Variants in RIPOR2 observed in about 807,000 individuals in gnomAD.
RIPOR2 encodes RHO family interacting cell polarization regulator 2.
RIPOR2 carries 39 observed loss-of-function variants against 114.5 expected under a neutral mutation model. The ratio of observed to expected loss-of-function variants is 0.34; its 90% CI spans 0.26 to 0.44. The LOEUF (loss-of-function observed/expected upper bound fraction) is 0.44, where lower values mean the gene tolerates loss of function less well. RIPOR2 is among the 20% of genes least tolerant of loss of function. The pLI, the probability that RIPOR2 is intolerant of heterozygous loss-of-function variation, is 1.00. For missense variants in RIPOR2, 1,007 were observed against 1,255.1 expected, an observed-to-expected ratio of 0.80 and a Z score of 2.99; for synonymous variants, 445 against 484.4, an observed-to-expected ratio of 0.92 and a Z score of 1.07.
intron 19 of RIPOR2, among the ~76,000 whole-genome samples, chr6:24,819,237 C>T (rs1411083092): frequency 6.6e-6 from 1 of 151,902 alleles, no homozygotes; most frequent in African/African-American, 2.4e-5. Flanking sequence ...TGTATTAGGT[C>T]CCATAAGAAA....
intron 7 of RIPOR2, among the ~76,000 whole-genome samples, chr6:24,862,805 C>A (rs900346160): frequency 7.0e-6 from 1 of 143,286 alleles, no homozygotes; most frequent in Admixed American, 6.9e-5. Context: ...ACCACTGGCA[C>A]CCCCCCACCA....
chr6:24,875,742 A>C lies in RIPOR2; in HGVS notation c.137T>G (p.Ile46Ser). 1 of 1,613,736 alleles carries C rather than the reference A, an allele frequency of 6.2e-7. No individual in the cohort carries two copies. Among genetic ancestry groups the C allele is most frequent in the African/African-American group, 1.3e-5 (1 of 75,018 alleles). Residue 46 changes from isoleucine to serine, a missense_variant, in exon 2 of 22, where the codon ATT becomes AGT. Ile to Ser is a moderately radical substitution (Grantham distance 142, BLOSUM62 -2). Transcript: ENST00000643898. ...GAAACCCGCAAAGGACTGGCTTCTA[A>C]TGATCCCATTGGGCCCTCCAGGCGA... The part of the protein sequence containing the change: ...SFSPGGPNGI[I>S]RSQSFAGFSG...
intron 3 of RIPOR2, 120 bp downstream of exon 3, chr6:24,873,523 TG>T: frequency 1.2e-6 from 1 of 851,360 alleles, no homozygotes; most frequent in Non-Finnish European, 1.9e-6. Flanking sequence ...TCCCTAATTG[TG>T]GTACAAGAAT....
intron 1 of RIPOR2, chr6:24,877,263 A>C (rs750102283): frequency 1.0e-6 from 1 of 985,384 alleles, no homozygotes; most frequent in Non-Finnish European, 1.2e-6. Flanking sequence ...GAGAAGGACA[A>C]ACAGCCTCCT....
At chr6:24,874,252 G>C (rs12111413) in intron 2 of RIPOR2, among the ~76,000 whole-genome samples, 12,759 of 152,052 alleles carry the variant, frequency 0.084, 600 homozygotes, top group African/African-American at 0.14. Context: ...TCCTGCTGTG[G>C]CCTCTCAAAG....
chr6:25,020,400 C>G (rs1776261433), intron 1 of RIPOR2, among the ~76,000 whole-genome samples: 1 of 152,238 alleles, frequency 6.6e-6, no homozygotes, highest in South Asian at 2.1e-4. Flanking sequence ...CTTCTAGAAT[C>G]TGCTCATTGC....
intron 1 of RIPOR2, among the ~76,000 whole-genome samples, chr6:24,905,742 T>A (rs1768916148): frequency 6.6e-6 from 1 of 152,226 alleles, no homozygotes; most frequent in Non-Finnish European, 1.5e-5. Context: ...TTGAATTTAT[T>A]TCTCCTAGTA....
intron 1 of RIPOR2, among the ~76,000 whole-genome samples, chr6:24,924,323 A>G (rs1012421455): frequency 4.6e-5 from 7 of 152,128 alleles, no homozygotes; most frequent in Non-Finnish European, 1.0e-4. Context: ...ATCATGCATT[A>G]TGGTTAGGTC....
At chr6:24,874,448 T>C (rs1051186816) in intron 2 of RIPOR2, among the ~76,000 whole-genome samples, 1 of 152,176 alleles carries the variant, frequency 6.6e-6, no homozygotes, top group Non-Finnish European at 1.5e-5. Context: ...TTCACACTAG[T>C]GTCCTTTGCA....
At chr6:24,920,927 C>T (rs1770434359) in intron 1 of RIPOR2, among the ~76,000 whole-genome samples, 1 of 152,168 alleles carries the variant, frequency 6.6e-6, no homozygotes, top group Non-Finnish European at 1.5e-5. Context: ...GTAAGGATCC[C>T]ATGAGCTCTT....
intron 18 of RIPOR2, 70 bp downstream of exon 18, chr6:24,828,067 A>C: frequency 7.6e-7 from 1 of 1,309,618 alleles, no homozygotes; most frequent in Non-Finnish European, 1.0e-6. Context: ...GCCAAAAGCC[A>C]TGATTTAAAA....
At chr6:25,030,930 C>T (rs1053163567) in intron 1 of RIPOR2, 15 of 151,860 alleles carry the variant, frequency 9.9e-5, no homozygotes, top group African/African-American at 3.6e-4. Context: ...CTCCTGACCT[C>T]AGGTGATCCA....
At chr6:24,911,629 T>C (rs1230917629) in intron 1 of RIPOR2, among the ~76,000 whole-genome samples, 2 of 152,136 alleles carry the variant, frequency 1.3e-5, no homozygotes, top group African/African-American at 4.8e-5. Flanking sequence ...AATTGTTTTT[T>C]ATTTTGTTCT....
At chr6:24,951,668 T>A (rs1028569407) in intron 1 of RIPOR2, among the ~76,000 whole-genome samples, 16 of 152,320 alleles carry the variant, frequency 1.1e-4, no homozygotes, top group African/African-American at 3.6e-4. Context: ...ATAGGAACAT[T>A]AAAAACTGGT....
intron 7 of RIPOR2, among the ~76,000 whole-genome samples, chr6:24,861,878 A>T (rs9379697): frequency 0.42 from 63,669 of 152,082 alleles, 13,509 homozygotes; most frequent in Middle Eastern, 0.49. Flanking sequence ...TTCAATGTAC[A>T]AGTCTTTCAA....
In RIPOR2 at chr6:24,945,162, T is replaced by A. The variant is rs1275988705; in HGVS notation, c.77-69345A>T. 6.6e-5 allele frequency among the ~76,000 whole-genome samples: 10 copies of A among 150,818 alleles called. 1 individual carries two copies. Among genetic ancestry groups the A allele is most frequent in the African/African-American group, 2.4e-4 (10 of 41,026 alleles). ...CCATATATCAATTAAAAAAAAGAAA[T>A]AAACCATAGAAGGCAGAAGAAAGGG... On this transcript the variant is annotated intron_variant, in intron 1 of 13. Transcript: ENST00000510784.
chr6:24,935,535 T>C (rs1226234569), intron 1 of RIPOR2, among the ~76,000 whole-genome samples: 4 of 152,122 alleles, frequency 2.6e-5, no homozygotes, highest in South Asian at 2.1e-4. Context: ...AGACAAGAGA[T>C]AGCACAGAAG....
chr6:24,922,858 CAAAAAAAAA>C (rs869160864), intron 1 of RIPOR2, among the ~76,000 whole-genome samples: 12 of 78,664 alleles, frequency 1.5e-4, no homozygotes, highest in Admixed American at 1.4e-3. Context: ...AGGACAGTCT[CAAAAAAAAA>C]AAAAAAAAAA....
chr6:24,855,553 T>C (rs1763388308), intron 8 of RIPOR2, among the ~76,000 whole-genome samples: 1 of 152,216 alleles, frequency 6.6e-6, no homozygotes, highest in Admixed American at 6.5e-5. Flanking sequence ...TCCTAGGCTG[T>C]TCCCACACAA....
Sources: gnomAD v4.1 joint callset for allele counts (sites outside exome capture counted in the v4.1 genomes callset) on GRCh38, gnomAD v4.1.1 for gene constraint, MANE v1.5 for transcripts, NCBI Gene and HGNC (gene_info 2026-07-23, HGNC 2026-07-21) for gene names.